The following RBM47 variants were observed in gnomAD, a reference collection of about 807,000 sequenced individuals.
RBM47 encodes the protein RNA-binding protein 47.
In RBM47, 21 loss-of-function variants were observed where a neutral mutation model predicts 47.1. The ratio of observed to expected loss-of-function variants is 0.45; its 90% CI spans 0.32 to 0.64. The LOEUF is 0.64. RBM47 is among the 30% of genes least tolerant of loss of function. The pLI, the probability that RBM47 is intolerant of heterozygous loss-of-function variation, is 0.05. For synonymous variants in RBM47, 375 were observed against 361.7 expected, an observed-to-expected ratio of 1.04 and a Z score of -0.42; for missense variants, 708 against 870.9, an observed-to-expected ratio of 0.81 and a Z score of 2.35.
chr4:40,568,377 C>A (rs367712578), intron 1 of RBM47, among the ~76,000 whole-genome samples: 25 of 135,006 alleles, frequency 1.9e-4, no homozygotes, highest in African/African-American at 4.7e-4. Flanking sequence ...TGCAGTGAGC[C>A]ATGATCACGT....
chr4:40,532,505 G>T (rs944821616), intron 2 of RBM47, among the ~76,000 whole-genome samples: 5 of 149,256 alleles, frequency 3.3e-5, no homozygotes, highest in African/African-American at 1.0e-4. Flanking sequence ...TAGAGACAGG[G>T]TTTCACCATG....
intron 3 of RBM47, among the ~76,000 whole-genome samples, chr4:40,461,151 T>C (rs528836868): frequency 1.7e-4 from 26 of 152,254 alleles, no homozygotes; most frequent in African/African-American, 5.8e-4. Context: ...GTCAGGAAAT[T>C]TATGATTTCC....
chr4:40,555,421 G>C (rs1729984850), intron 1 of RBM47, among the ~76,000 whole-genome samples: 1 of 152,208 alleles, frequency 6.6e-6, no homozygotes, highest in Non-Finnish European at 1.5e-5. Flanking sequence ...CTTGCAGCAT[G>C]TCTGAGTGTC....
chr4:40,604,405 C>T (rs968502981), intron 1 of RBM47, among the ~76,000 whole-genome samples: 2 of 152,046 alleles, frequency 1.3e-5, no homozygotes, highest in Admixed American at 1.3e-4. Flanking sequence ...CAGGAGGATC[C>T]CTTGAAGCCA....
chr4:40,563,690 G>A (rs1261442134), intron 1 of RBM47, among the ~76,000 whole-genome samples: 1 of 152,164 alleles, frequency 6.6e-6, no homozygotes, highest in African/African-American at 2.4e-5. Flanking sequence ...TGCTAAGCTT[G>A]CTTACCTCAC....
intron 1 of RBM47, among the ~76,000 whole-genome samples, chr4:40,619,218 C>A (rs1010134316): frequency 3.9e-5 from 6 of 152,102 alleles, no homozygotes; most frequent in African/African-American, 1.2e-4. Flanking sequence ...TATTTGAGCC[C>A]AGAAATTCAA....
intron 1 of RBM47, among the ~76,000 whole-genome samples, chr4:40,612,540 A>G (rs1038188478): frequency 1.3e-5 from 2 of 152,222 alleles, no homozygotes; most frequent in Non-Finnish European, 2.9e-5. Flanking sequence ...AAGTATAGCT[A>G]GAAATTCTAA....
rs201660719 is a variant in RBM47, at chr4:40,528,942, C to CAAAA, written c.-155+15476_-155+15479dup. On this transcript the variant is annotated intron_variant, in intron 2 of 6. Coordinates refer to ENST00000295971, the MANE Select transcript of RBM47 (RefSeq NM_001098634.2). The stretch of plus-strand genomic sequence containing the variant: ...TGGGCGACAGAGCGAGACTCCGTCT[C>CAAAA]AAAAAAAAAATAAATAAATAAATAA... Among the ~76,000 whole-genome samples the CAAAA allele has an allele frequency of 9.5e-4, 134 of 140,646 alleles. 1 individual carries two copies. The highest frequency in any genetic ancestry group is 3.1e-3 in the African/African-American group (118 of 38,388). 92.3% of individuals were successfully genotyped at this position (140,646 alleles called of 152,430 possible).
intron 1 of RBM47, among the ~76,000 whole-genome samples, chr4:40,587,002 T>C (rs1265385568): frequency 1.3e-5 from 2 of 151,974 alleles, no homozygotes; most frequent in African/African-American, 4.8e-5. Context: ...TTTAGTAATA[T>C]CCACATTACT....
chr4:40,437,920 G>A lies in RBM47; in HGVS notation c.974C>T (p.Ser325Leu). Reference protein sequence around the residue: ...LAKPVDKEQYSRYQKAARGGG... With the variant: ...LAKPVDKEQYLRYQKAARGGG... ...GCCCCTGGCTGCCTTCTGGTAGCGC[G>A]AGTACTGCTCCTTGTCCACGGGCTT... Residue 325 changes from serine (S) to leucine (L), a missense_variant, in exon 4 of 7, where the codon TCG (serine) becomes TTG (leucine). By Grantham distance (145) the Ser-to-Leu change is moderately radical (BLOSUM62 -2). Transcript: ENST00000295971. The A allele has an allele frequency of 1.9e-6, 3 of 1,613,836 alleles. No homozygotes were observed. The highest frequency in any genetic ancestry group is 1.7e-6 in the Non-Finnish European group (2 of 1,180,018).
intron 2 of RBM47, among the ~76,000 whole-genome samples, chr4:40,523,426 A>T (rs1392753535): frequency 1.3e-5 from 2 of 152,038 alleles, no homozygotes; most frequent in Non-Finnish European, 2.9e-5. Flanking sequence ...CAAGACGGGC[A>T]GATAGCCTGA....
chr4:40,585,166 A>G (rs1733429647), intron 1 of RBM47, among the ~76,000 whole-genome samples: 1 of 152,224 alleles, frequency 6.6e-6, no homozygotes, highest in African/African-American at 2.4e-5. Flanking sequence ...CTTGTTTGCA[A>G]AATCAAGAAA....
intron 2 of RBM47, among the ~76,000 whole-genome samples, chr4:40,517,764 C>T (rs533751485): frequency 6.6e-6 from 1 of 152,300 alleles, no homozygotes; most frequent in East Asian, 1.9e-4. Flanking sequence ...GTACTAAACA[C>T]ATAGACTTCT....
intron 2 of RBM47, among the ~76,000 whole-genome samples, chr4:40,499,348 T>C (rs1723048237): frequency 6.6e-6 from 1 of 152,202 alleles, no homozygotes; most frequent in Non-Finnish European, 1.5e-5. Context: ...AGGATGTAGA[T>C]TTTCTTTTGT....
At chr4:40,518,268 C>A in intron 2 of RBM47, among the ~76,000 whole-genome samples, 1 of 145,092 alleles carries the variant, frequency 6.9e-6, no homozygotes. Context: ...TCTCCACCTC[C>A]CGGGTTCAAG....
In RBM47 at chr4:40,425,814, T is replaced by C; in HGVS notation, c.*90A>G. 6 of 1,488,336 alleles carry C rather than the reference T, an allele frequency of 4.0e-6. No individual in the cohort carries two copies. The South Asian group carries it at 7.7e-5, about 19-fold the overall frequency. 92.2% of individuals were successfully genotyped at this position (1,488,336 alleles called of 1,614,324 possible). A position where few individuals can be genotyped will look rare whatever the true frequency, so the allele number is the denominator to read the frequency against. ...TAACATTCTTCACTTTCAGGTTGCA[T>C]GTGTGAATCCAACATGTTCCTTCTT... On this transcript the variant is annotated 3_prime_UTR_variant, in exon 7 of 7. Transcript: ENST00000295971.
chr4:40,523,863 CAAA>C (rs34640118), intron 2 of RBM47, among the ~76,000 whole-genome samples: 2 of 133,138 alleles, frequency 1.5e-5, no homozygotes, highest in East Asian at 2.2e-4. Flanking sequence ...AGCCCTGTCT[CAAA>C]AAAAAAAAAA....
chr4:40,535,371 CTT>C (rs1177127352), intron 2 of RBM47, among the ~76,000 whole-genome samples: 1,046 of 103,406 alleles, frequency 0.01, 27 homozygotes, highest in African/African-American at 0.043. Flanking sequence ...TATGGTATTT[CTT>C]TTTTTTTTTT....
chr4:40,560,495 G>A (rs936386078), intron 1 of RBM47, among the ~76,000 whole-genome samples: 3 of 152,174 alleles, frequency 2.0e-5, no homozygotes, highest in African/African-American at 7.2e-5. Flanking sequence ...ATTGAATGAG[G>A]ACACCTCGGC....
Sources: gnomAD v4.1 joint callset for allele counts (sites outside exome capture counted in the v4.1 genomes callset) on GRCh38, gnomAD v4.1.1 for gene constraint, MANE v1.5 for transcripts, NCBI Gene and HGNC (gene_info 2026-07-23, HGNC 2026-07-21) for gene names.